The following CADPS variants were observed in gnomAD, a reference collection of about 807,000 sequenced individuals.
The protein encoded by CADPS is calcium-dependent secretion activator 1.
CADPS carries 57 observed loss-of-function variants against 167.3 expected under a neutral mutation model. The observed-to-expected ratio is 0.34, with a 90% confidence interval of 0.28 to 0.42. CADPS has a LOEUF of 0.42. Ranked by LOEUF, CADPS falls within the 20% of genes least tolerant of loss-of-function variation. The pLI, the probability that CADPS is intolerant of heterozygous loss-of-function variation, is 1.00. For synonymous variants in CADPS, 676 were observed against 635.3 expected, an observed-to-expected ratio of 1.06 and a Z score of -0.96; for missense variants, 1,414 against 1,738.1, an observed-to-expected ratio of 0.81 and a Z score of 3.32.
intron 1 of CADPS, among the ~76,000 whole-genome samples, chr3:62,866,678 T>C (rs1385484097): frequency 1.3e-5 from 2 of 152,066 alleles, no homozygotes; most frequent in African/African-American, 2.4e-5. Flanking sequence ...AGAAACAGTA[T>C]GAGCAAAGAT....
intron 3 of CADPS, among the ~76,000 whole-genome samples, chr3:62,735,526 A>G (rs1170562150): frequency 6.6e-6 from 1 of 152,152 alleles, no homozygotes; most frequent in Non-Finnish European, 1.5e-5. Context: ...GAATCCAGAA[A>G]GTGGTGGAGA....
At position 62,768,293 on chromosome 3, in the gene CADPS, C is replaced by A. The variant is rs2087477440; in HGVS notation, c.442-2309G>T. ...CCTAACAGTATAGGACCAACCAAGG[C>A]ATCTCACAGGATTTCTTGCTCAGAA... On this transcript the variant is annotated intron_variant, in intron 1 of 29. Transcript: ENST00000383710. 2.0e-5 allele frequency among the ~76,000 whole-genome samples: 3 copies of A among 152,254 alleles called. No homozygotes were observed. The South Asian group carries it at 6.2e-4, about 32-fold the overall frequency.
chr3:62,758,317 G>A (rs1252368589), intron 2 of CADPS, among the ~76,000 whole-genome samples: 1 of 152,158 alleles, frequency 6.6e-6, no homozygotes, highest in Non-Finnish European at 1.5e-5. Context: ...CCCAGAAAGA[G>A]GAGAGATGAG....
At chr3:62,732,361 C>T (rs763556899) in intron 3 of CADPS, among the ~76,000 whole-genome samples, 2 of 152,188 alleles carry the variant, frequency 1.3e-5, no homozygotes, top group Admixed American at 6.5e-5. Context: ...CTCAGTCCAA[C>T]AGCCCACAAG....
In CADPS at chr3:62,619,180, TATAGA is replaced by T. The variant is rs371611487; in HGVS notation, c.1326-26437_1326-26433del. 5.1e-3 allele frequency among the ~76,000 whole-genome samples: 778 copies of T among 152,320 alleles called. 8 individuals carry two copies. Among genetic ancestry groups the T allele is most frequent in the African/African-American group, 0.018 (748 of 41,576 alleles). ...GTTGAAGTATTTGCTATTTTGCCCT[TATAGA>T]AAAGTCTGGTGACTACTGGTCTAAT... is the stretch of plus-strand genomic sequence containing the variant. On this transcript the variant is annotated intron_variant, in intron 6 of 29. Transcript: ENST00000383710.
rs138931412 is a variant in CADPS at position 62,688,813 on chromosome 3, G to A, written c.889-26419C>T. On this transcript the variant is annotated intron_variant, in intron 3 of 29. Coordinates refer to ENST00000383710, the MANE Select transcript of CADPS (RefSeq NM_003716.4). ...CCTTCTCACTAATAACCCTCACAAT[G>A]GATCATAAAGCCCTCAGAGTGTCTG... Among the ~76,000 whole-genome samples, 113 of 152,062 alleles carry A rather than the reference G, an allele frequency of 7.4e-4. No individual in the cohort carries two copies. In the East Asian group the frequency reaches 0.021, roughly 28 times the overall value.
At chr3:62,859,764 T>A (rs1334852351) in intron 1 of CADPS, among the ~76,000 whole-genome samples, 1 of 152,232 alleles carries the variant, frequency 6.6e-6, no homozygotes, top group Non-Finnish European at 1.5e-5. Flanking sequence ...GGAAAAATGC[T>A]GGAGCAAATC....
At chr3:62,663,427 G>T (rs1427858336) in intron 3 of CADPS, among the ~76,000 whole-genome samples, 1 of 152,016 alleles carries the variant, frequency 6.6e-6, no homozygotes, top group Non-Finnish European at 1.5e-5. Flanking sequence ...TGCTTATTCA[G>T]AAAGTTATAT....
At position 62,678,826 on chromosome 3, in the gene CADPS, AT is replaced by A. The variant is rs560234504; in HGVS notation, c.889-16433del. 1.7e-4 allele frequency among the ~76,000 whole-genome samples: 25 copies of A among 149,312 alleles called. 1 individual carries two copies. In the South Asian group the frequency reaches 4.8e-3, roughly 29 times the overall value. On this transcript the variant is annotated intron_variant, in intron 3 of 29. Coordinates refer to ENST00000383710, the MANE Select transcript of CADPS (RefSeq NM_003716.4). ...TTGGAGACATAAATATTGGTGGAAC[AT>A]TCATACCCTCCAGGGCTTATTAAAA...
chr3:62,554,895 G>A (rs897553677), intron 10 of CADPS, among the ~76,000 whole-genome samples: 1 of 152,098 alleles, frequency 6.6e-6, no homozygotes, highest in Non-Finnish European at 1.5e-5. Context: ...TCGGATTACA[G>A]GTGCGTGCCA....
At chr3:62,803,469 C>T (rs1046073674) in intron 1 of CADPS, among the ~76,000 whole-genome samples, 1 of 151,954 alleles carries the variant, frequency 6.6e-6, no homozygotes, top group African/African-American at 2.4e-5. Context: ...GAGACTGCTA[C>T]TGGCATCTAG....
intron 26 of CADPS, among the ~76,000 whole-genome samples, chr3:62,448,242 C>T (rs1015817832): frequency 6.6e-6 from 1 of 152,184 alleles, no homozygotes; most frequent in Admixed American, 6.5e-5. Flanking sequence ...GCCTCCTGTA[C>T]TCTGTGATGT....
At chr3:62,539,266 T>C (rs1400462704) in intron 11 of CADPS, among the ~76,000 whole-genome samples, 1 of 152,158 alleles carries the variant, frequency 6.6e-6, no homozygotes, top group Non-Finnish European at 1.5e-5. Context: ...GTTCCCTTCC[T>C]GCCGTTATAG....
At chr3:62,539,976 T>A (rs1268836396) in intron 11 of CADPS, among the ~76,000 whole-genome samples, 1 of 152,062 alleles carries the variant, frequency 6.6e-6, no homozygotes, top group African/African-American at 2.4e-5. Flanking sequence ...TAAATTCAAG[T>A]CCACCTTCAG....
chr3:62,853,859 G>A (rs1399663239), intron 1 of CADPS, among the ~76,000 whole-genome samples: 1 of 152,202 alleles, frequency 6.6e-6, no homozygotes, highest in East Asian at 1.9e-4. Context: ...GGGGGGCTGA[G>A]GTGGGAGGAT....
intron 28 of CADPS, among the ~76,000 whole-genome samples, chr3:62,432,459 G>C (rs971942545): frequency 5.3e-5 from 8 of 152,170 alleles, no homozygotes; most frequent in Non-Finnish European, 1.0e-4. Context: ...AAGGTACCAG[G>C]CTGCTCTACA....
At chr3:62,798,125 A>C (rs1049126031) in intron 1 of CADPS, among the ~76,000 whole-genome samples, 1 of 152,140 alleles carries the variant, frequency 6.6e-6, no homozygotes, top group Non-Finnish European at 1.5e-5. Flanking sequence ...TGAAGCAGAT[A>C]AACAATGTGA....
chr3:62,558,748 C>T (rs1439690044), intron 9 of CADPS, among the ~76,000 whole-genome samples: 1 of 152,172 alleles, frequency 6.6e-6, no homozygotes, highest in East Asian at 1.9e-4. Context: ...TGTTGCTGCC[C>T]TCTGTTGGCT....
chr3:62,548,372 CTCTT>C (rs77185356), intron 11 of CADPS, among the ~76,000 whole-genome samples: 14,740 of 150,530 alleles, frequency 0.098, 746 homozygotes, highest in Middle Eastern at 0.14. Flanking sequence ...TGTGGGCAAT[CTCTT>C]TCTTATTCTT....
Sources: gnomAD v4.1 joint callset for allele counts (sites outside exome capture counted in the v4.1 genomes callset) on GRCh38, gnomAD v4.1.1 for gene constraint, MANE v1.5 for transcripts, NCBI Gene and HGNC (gene_info 2026-07-23, HGNC 2026-07-21) for gene names.